FAT1: variants seen among roughly 807,000 people sequenced by gnomAD.
FAT1 encodes protocadherin Fat 1.
A neutral mutation model predicts 329.8 loss-of-function variants in FAT1; 171 were observed. The observed-to-expected ratio is 0.52, with a 90% CI of 0.46 to 0.59. FAT1 has a LOEUF of 0.59. Among genes scored for constraint, FAT1 ranks in the 20% least tolerant of loss-of-function variants. The pLI is 0.00. For missense variants in FAT1, 5,672 were observed against 5,774.4 expected (o/e 0.98, Z 0.57); for synonymous variants, 2,233 against 2,228.6 (o/e 1.00, Z -0.06).
Position 186,701,879 on chromosome 4 carries a change from C to T in FAT1, c.3265+4684G>A, listed in dbSNP as rs550812093. 3.7e-4 allele frequency among the ~76,000 whole-genome samples: 56 copies of T among 152,384 alleles called. No individual in the cohort carries two copies. The South Asian group carries it at 0.011, about 30-fold the overall frequency. On this transcript the variant is annotated intron_variant, in intron 2 of 26. Coordinates refer to ENST00000441802, the MANE Select transcript of FAT1 (RefSeq NM_005245.4). ...TGACTGAGGTCAACAATCAGGTTAG[C>T]CTGGGCCGGAATTCCGTTCCGTTCC...
In FAT1 at chr4:186,679,604, G is replaced by GAA. The variant is rs201653200; in HGVS notation, c.3266-15993_3266-15992dup. ...AAACCTAAATACAAATTCAACATGG[G>GAA]AAAAAAAAAAACATAGCATAGTACT... On this transcript the variant is annotated intron_variant, in intron 2 of 26. Coordinates refer to ENST00000441802, the MANE Select transcript of FAT1 (RefSeq NM_005245.4). 2.5e-4 allele frequency among the ~76,000 whole-genome samples: 37 copies of GAA among 145,542 alleles called. No individual in the cohort carries two copies. The Middle Eastern group carries it at 0.01, about 41-fold the overall frequency.
intron 13 of FAT1, 57 bp downstream of exon 13, chr4:186,613,052 C>T (rs1739525959): frequency 1.6e-5 from 20 of 1,240,878 alleles, no homozygotes; most frequent in South Asian, 1.1e-4. Context: ...TGTTTTGAAA[C>T]AGAGGCTCCT....
At chr4:186,635,310 T>TA (rs5865002) in intron 6 of FAT1, among the ~76,000 whole-genome samples, 87,126 of 151,358 alleles carry the variant, frequency 0.58, 26,005 homozygotes, top group African/African-American at 0.74. Flanking sequence ...GAGGAAACAA[T>TA]AAAAAAAAAT....
At chr4:186,591,026 C>T (rs945322128) in intron 26 of FAT1, among the ~76,000 whole-genome samples, 23 of 152,234 alleles carry the variant, frequency 1.5e-4, no homozygotes, top group African/African-American at 5.5e-4. Flanking sequence ...CCTGCCAGGG[C>T]CCCGCATCTA....
chr4:186,686,239 C>CCA (rs11408384), intron 2 of FAT1, among the ~76,000 whole-genome samples: 2 of 28,872 alleles, frequency 6.9e-5, no homozygotes, highest in African/African-American at 1.5e-4. Flanking sequence ...AGAATTTTCA[C>CCA]CCCCCCCCGA....
chr4:186,667,201 C>T (rs1214413162), intron 2 of FAT1, among the ~76,000 whole-genome samples: 4 of 152,162 alleles, frequency 2.6e-5, no homozygotes, highest in South Asian at 2.1e-4. Flanking sequence ...ATTTCTAGTT[C>T]GGGCCGTAAG....
At chr4:186,676,194 C>T (rs1742949877) in intron 2 of FAT1, among the ~76,000 whole-genome samples, 1 of 151,400 alleles carries the variant, frequency 6.6e-6, no homozygotes, top group African/African-American at 2.4e-5. Flanking sequence ...CAAATCCTTT[C>T]TTCAGTTATG....
Position 186,617,829 on chromosome 4 carries a change from C to T in FAT1, c.8757G>A (p.Thr2919=), listed in dbSNP as rs762129259. 4.8e-5 allele frequency: 78 copies of T among 1,613,776 alleles called. No homozygotes were observed. In the Middle Eastern group the frequency reaches 4.6e-3, roughly 96 times the overall value. ...TCACAGTCCCTTTATAGATCTCGGC[C>T]GTGAATCGTGGTGGACTATCGTTGA... ...TDVNDSPPRF[T]AEIYKGTVSE... is the part of the protein sequence containing the mutation. Residue 2919 remains threonine (T), a synonymous_variant, in exon 10 of 27, where the codon ACG becomes ACA. Transcript: ENST00000441802.
At chr4:186,621,865 A>G (rs1740067396) in intron 9 of FAT1, 90 bp from the exon 10 acceptor site, 1 of 790,640 alleles carries the variant, frequency 1.3e-6, no homozygotes, top group African/African-American at 1.8e-5. Context: ...GTATCCTTAA[A>G]AATTATATTC....
intron 2 of FAT1, among the ~76,000 whole-genome samples, chr4:186,700,915 C>T (rs455934): frequency 0.026 from 3,943 of 152,218 alleles, 175 homozygotes; most frequent in African/African-American, 0.09. Flanking sequence ...AGGACAAAGC[C>T]GGCCTGTCTG....
chr4:186,695,372 AG>A (rs924843987), intron 2 of FAT1, among the ~76,000 whole-genome samples: 4 of 152,246 alleles, frequency 2.6e-5, no homozygotes, highest in African/African-American at 9.6e-5. Context: ...CTCCTAGGTA[AG>A]CAAAGCAGAA....
chr4:186,663,568 T>C lies in FAT1; in HGVS notation c.3311A>G (p.His1104Arg). 5 of 1,612,384 alleles carry C rather than the reference T, an allele frequency of 3.1e-6. No individual in the cohort carries two copies. Among genetic ancestry groups the C allele is most frequent in the East Asian group, 2.2e-5 (1 of 44,868 alleles). The change falls in exon 3 of 27, where the codon CAT becomes CGT. Residue 1104 changes from histidine (H) to arginine (R), a missense_variant. By Grantham distance (29) the His-to-Arg change is conservative (BLOSUM62 0). Coordinates refer to ENST00000441802, the MANE Select transcript of FAT1 (RefSeq NM_005245.4). ...GGTTGCAAAGACTGTTAGCCAATAA[T>C]GGGAGGTCGATTCACGGTCCAGTCG... ...SDRLDRESTS[H>R]YWLTVFATDQ...
intron 2 of FAT1, among the ~76,000 whole-genome samples, chr4:186,704,425 T>C (rs1744475836): frequency 6.6e-6 from 1 of 152,068 alleles, no homozygotes; most frequent in South Asian, 2.1e-4. Context: ...TCGAAATGAT[T>C]CCTTAAAAAG....
Position 186,609,310 on chromosome 4 carries a change from T to C in FAT1, c.10079A>G (p.Asp3360Gly), listed in dbSNP as rs201113097. The change falls in exon 16 of 27, where the codon GAT becomes GGT. Residue 3360 changes from aspartate to glycine, a missense_variant. Around this residue, in one of 2 missense-constraint regions of FAT1, gnomAD observed 1,706 missense variants for 1,859.1 expected, o/e 0.92. Coordinates refer to ENST00000441802, the MANE Select transcript of FAT1 (RefSeq NM_005245.4). ...GCTGTTGGAAGGTCCATCGGCATCA[T>C]CGGCCATAACCTAGAACACACCACA... ...LEQSVITVMA[D>G]DADGPSNSHI... The C allele has an allele frequency of 1.7e-4, 268 of 1,614,006 alleles. 1 individual carries two copies. In the African/African-American group the frequency reaches 3.3e-3, roughly 20 times the overall value.
At chr4:186,663,132 G>A (rs890305810) in intron 3 of FAT1, among the ~76,000 whole-genome samples, 167 bp downstream of exon 3, 4 of 152,104 alleles carry the variant, frequency 2.6e-5, no homozygotes, top group Admixed American at 6.5e-5. Context: ...CACTGTGCCC[G>A]GTTATGCTAA....
chr4:186,671,203 C>T (rs1742710461), intron 2 of FAT1, among the ~76,000 whole-genome samples: 1 of 151,864 alleles, frequency 6.6e-6, no homozygotes, highest in Non-Finnish European at 1.5e-5. Context: ...ATTTCCACAT[C>T]TTGATGATAC....
chr4:186,687,792 C>A (rs541342601), intron 2 of FAT1, among the ~76,000 whole-genome samples: 2 of 152,232 alleles, frequency 1.3e-5, no homozygotes, highest in African/African-American at 4.8e-5. Context: ...TTAAGAATAC[C>A]TACCAACCAG....
Position 186,723,734 on chromosome 4 carries a change from A to T in FAT1, c.-89T>A, listed in dbSNP as rs2126727775. 1 of 150,630 alleles carries T rather than the reference A, an allele frequency of 6.6e-6. No individual in the cohort carries two copies. Among genetic ancestry groups the T allele is most frequent in the East Asian group, 2.0e-4 (1 of 5,010 alleles). 9.3% of individuals were successfully genotyped at this position (150,630 alleles called of 1,614,324 possible). On this transcript the variant is annotated 5_prime_UTR_variant, in exon 1 of 27. Transcript: ENST00000441802. ...CCGCCGTCTCAGCGCGCCCCCGAGC[A>T]GGGACCGGGCCTGCCGGGGCCCTCG...
rs762551566 is a variant in FAT1, at chr4:186,589,001, G to C, written c.13358C>G (p.Pro4453Arg). Residue 4453 changes from proline to arginine, a missense_variant, in exon 27 of 27, where the codon CCC (proline) becomes CGC (arginine). Physicochemically the swap from Pro to Arg is moderately radical, Grantham distance 103. Around this residue, in one of 2 missense-constraint regions of FAT1, gnomAD observed 1,706 missense variants for 1,859.1 expected, o/e 0.92. Transcript: ENST00000441802. ...PAADELPPLP[P>R]EFSNQFESIH... ...GGATTCAAACTGATTGCTGAATTCG[G>C]GCGGTAACGGTGGTAGCTCATCAGC... is the stretch of plus-strand genomic sequence containing the variant. 8.1e-6 allele frequency: 13 copies of C among 1,613,870 alleles called. No homozygotes were observed. The highest frequency in any genetic ancestry group is 1.6e-4 in the Middle Eastern group (1 of 6,084).
Sources: gnomAD v4.1 joint callset for allele counts (sites outside exome capture counted in the v4.1 genomes callset) on GRCh38, gnomAD v4.1.1 for gene constraint, gnomAD v4.1.1 regional missense constraint, MANE v1.5 for transcripts, NCBI Gene and HGNC (gene_info 2026-07-23, HGNC 2026-07-21) for gene names.